ZBTB38: variants seen among roughly 807,000 people sequenced by gnomAD.
ZBTB38 encodes zinc finger and BTB domain-containing protein 38.
ZBTB38 carries 20 observed loss-of-function variants against 76.8 expected under a neutral mutation model. The observed-to-expected ratio is 0.26, with a 90% CI of 0.18 to 0.38. The LOEUF is 0.38. ZBTB38 is among the 10% of genes least tolerant of loss of function. ZBTB38 has a pLI of 1.00. For missense variants in ZBTB38, 1,082 were observed against 1,482.3 expected (o/e 0.73, Z 4.43); for synonymous variants, 504 against 544.2 (o/e 0.93, Z 1.03).
At chr3:141,389,457 T>TG (rs1413239855) in intron 4 of ZBTB38, 5 of 151,814 alleles carry the variant, frequency 3.3e-5, no homozygotes. Context: ...ACCTTTTTTT[T>TG]TTTTTTTTTT....
chr3:141,391,116 T>C (rs547150087), intron 4 of ZBTB38, among the ~76,000 whole-genome samples: 2 of 152,054 alleles, frequency 1.3e-5, no homozygotes, highest in African/African-American at 4.8e-5. Context: ...GCTAGAATCA[T>C]ACTACTGCAC....
chr3:141,443,502 G>C lies in ZBTB38; in HGVS notation c.1114G>C (p.Val372Leu), dbSNP rs750296057. The C allele has an allele frequency of 1.9e-6, 3 of 1,614,210 alleles. No individual in the cohort carries two copies. Among genetic ancestry groups the C allele is most frequent in the Admixed American group, 3.3e-5 (2 of 60,028 alleles). ...QLHKPTQEPL[V>L]CKYCNKQFTT... is the part of the protein sequence containing the mutation. ...TCACAAGCCAACCCAGGAGCCTTTAGTGTGCAAGTATTGCAACAAACAATT... is the reference window on the plus strand; with the variant it reads ...TCACAAGCCAACCCAGGAGCCTTTACTGTGCAAGTATTGCAACAAACAATT... Residue 372 changes from valine (V) to leucine (L), a missense_variant, in exon 6 of 6, where the codon GTG (valine) becomes CTG (leucine). Physicochemically the swap from Val to Leu is conservative, Grantham distance 32 (BLOSUM62 1). Around this residue, in one of 8 missense-constraint regions of ZBTB38, gnomAD observed 324 missense variants for 359.1 expected, o/e 0.90. Transcript: ENST00000321464. The surrounding 1 kb of genome is among the most constrained non-coding windows in gnomAD (Gnocchi z 5.6).
intron 4 of ZBTB38, among the ~76,000 whole-genome samples, chr3:141,401,749 T>C (rs73872713): frequency 0.075 from 11,418 of 152,078 alleles, 1,482 homozygotes; most frequent in African/African-American, 0.26. Context: ...AGGCCCTCTC[T>C]GAATACTTTT....
At chr3:141,373,476 A>G (rs2149058141) in intron 2 of ZBTB38, among the ~76,000 whole-genome samples, 1 of 152,330 alleles carries the variant, frequency 6.6e-6, no homozygotes, top group South Asian at 2.1e-4. Context: ...GTCATAGCAC[A>G]GGTGTGCAAG....
At chr3:141,374,382 T>G (rs1945054233) in intron 2 of ZBTB38, among the ~76,000 whole-genome samples, 1 of 151,970 alleles carries the variant, frequency 6.6e-6, no homozygotes, top group African/African-American at 2.4e-5. Flanking sequence ...GATGGATGAG[T>G]CATCTCTCTG....
rs150841377 is a variant in ZBTB38 at position 141,348,629 on chromosome 3, G to A, written c.-738-19992G>A. Among the ~76,000 whole-genome samples the A allele has an allele frequency of 4.5e-4, 68 of 152,050 alleles. No individual in the cohort carries two copies. In the East Asian group the frequency reaches 0.011, roughly 24 times the overall value. ...ATTTCCTTTCTTCCCTCCTTTTCTC[G>A]TCTTACTCAAGCTTAAAGGACTGTA... On this transcript the variant is annotated intron_variant, in intron 1 of 7. Coordinates refer to the ZBTB38 transcript ENST00000509842.
In ZBTB38 at chr3:141,341,279, A is replaced by G. The variant is rs76331657; in HGVS notation, c.-739+16823A>G. 4.3e-3 allele frequency among the ~76,000 whole-genome samples: 654 copies of G among 152,378 alleles called. 2 individuals are homozygous for G. Among genetic ancestry groups the G allele is most frequent in the African/African-American group, 0.015 (605 of 41,586 alleles). The stretch of plus-strand genomic sequence containing the variant: ...AGAATGTTAAACATAAAGTTATCAC[A>G]TGACTCAGCAATTCCACTCCTAGGT... On this transcript the variant is annotated intron_variant, in intron 1 of 7. Coordinates refer to the ZBTB38 transcript ENST00000509842.
intron 5 of ZBTB38, among the ~76,000 whole-genome samples, chr3:141,416,869 C>T (rs1174023363): frequency 6.6e-6 from 1 of 152,190 alleles, no homozygotes; most frequent in African/African-American, 2.4e-5. Flanking sequence ...AAGGATTCTC[C>T]CCCTGCAGCC....
chr3:141,359,586 A>G (rs1943762193), intron 1 of ZBTB38, among the ~76,000 whole-genome samples: 1 of 152,228 alleles, frequency 6.6e-6, no homozygotes, highest in African/African-American at 2.4e-5. Context: ...TTTTTTGAAG[A>G]TAAGAATGTG....
At chr3:141,400,788 T>C (rs949374526) in intron 4 of ZBTB38, among the ~76,000 whole-genome samples, 2 of 152,268 alleles carry the variant, frequency 1.3e-5, no homozygotes, top group Non-Finnish European at 2.9e-5. Flanking sequence ...TAGGCACTAA[T>C]ATTAAAATTA....
Position 141,444,461 on chromosome 3 carries a change from A to C in ZBTB38, c.2073A>C (p.Val691=). 6.2e-7 allele frequency: 1 copy of C among 1,614,120 alleles called. No individual in the cohort carries two copies. Among genetic ancestry groups the C allele is most frequent in the Middle Eastern group, 1.6e-4 (1 of 6,062 alleles). The change falls in exon 6 of 6, where the codon GTA becomes GTC. Residue 691 remains valine, a synonymous_variant. Transcript: ENST00000321464. The surrounding 1 kb of genome is among the most constrained non-coding windows in gnomAD (Gnocchi z 5.1). ...GTTCTGACCTCCGGGCAGGGGATGT[A>C]CCTGTTTTATCTTTGAGTAATAGCA... ...AVSSDLRAGD[V]PVLSLSNSSE...
chr3:141,340,986 G>GAA (rs1204338621), intron 1 of ZBTB38, among the ~76,000 whole-genome samples: 2 of 139,304 alleles, frequency 1.4e-5, no homozygotes, highest in African/African-American at 2.8e-5. Flanking sequence ...AAGAAAGAAA[G>GAA]AAAGAGAAAG....
chr3:141,429,454 C>T (rs181255421), intron 5 of ZBTB38, among the ~76,000 whole-genome samples: 57 of 152,036 alleles, frequency 3.7e-4, no homozygotes, highest in Admixed American at 4.6e-4. Context: ...TTTTTTTAGT[C>T]GGGGTGAGCC....
chr3:141,351,010 T>C (rs1255634378), intron 1 of ZBTB38, among the ~76,000 whole-genome samples: 1 of 152,250 alleles, frequency 6.6e-6, no homozygotes, highest in African/African-American at 2.4e-5. Flanking sequence ...TTTATTTATT[T>C]TTTCTTAACA....
chr3:141,443,822 T>A lies in ZBTB38; in HGVS notation c.1434T>A (p.His478Gln). The change falls in exon 6 of 6, where the codon CAT (histidine) becomes CAA (glutamine). Residue 478 changes from histidine to glutamine, a missense_variant. This residue lies in a region of ZBTB38 where 60 missense variants were observed against 126.0 expected (regional missense o/e 0.48). Transcript: ENST00000321464. The surrounding 1 kb of genome is among the most constrained non-coding windows in gnomAD (Gnocchi z 5.6). ...SYVTLSSLRR[H>Q]ANVHSWRRTY... Reference sequence around the variant, plus strand: ...TGACCTTATCTAGCCTCCGAAGACATGCAAATGTTCACTCCTGGAGAAGAA... The same window carrying A: ...TGACCTTATCTAGCCTCCGAAGACAAGCAAATGTTCACTCCTGGAGAAGAA... 6.2e-7 allele frequency: 1 copy of A among 1,614,000 alleles called. No individual in the cohort carries two copies. Among genetic ancestry groups the A allele is most frequent in the Non-Finnish European group, 8.5e-7 (1 of 1,180,030 alleles).
At position 141,444,299 on chromosome 3, in the gene ZBTB38, A is replaced by C. The variant is rs1396174393; in HGVS notation, c.1911A>C (p.Ala637=). 1.2e-6 allele frequency: 2 copies of C among 1,614,132 alleles called. No individual in the cohort carries two copies. The highest frequency in any genetic ancestry group is 1.7e-6 in the Non-Finnish European group (2 of 1,180,048). The change falls in exon 6 of 6, where the codon GCA becomes GCC. Residue 637 remains alanine (A), a synonymous_variant. Coordinates refer to ENST00000321464, the MANE Select transcript of ZBTB38 (RefSeq NM_001376113.1). The surrounding 1 kb of genome is among the most constrained non-coding windows in gnomAD (Gnocchi z 5.1). ...NSPAIPLETS[A]CQDIPTSANV... ...CAGCCATCCCATTGGAAACATCTGC[A>C]TGTCAGGACATACCCACTTCTGCCA...
At chr3:141,430,556 C>A (rs2077272732) in intron 5 of ZBTB38, among the ~76,000 whole-genome samples, 1 of 152,228 alleles carries the variant, frequency 6.6e-6, no homozygotes, top group Non-Finnish European at 1.5e-5. Flanking sequence ...CTCATTCACT[C>A]TTCACTGCCC....
At chr3:141,432,115 T>C (rs1268195675) in intron 5 of ZBTB38, 5 of 985,366 alleles carry the variant, frequency 5.1e-6, no homozygotes, top group African/African-American at 1.7e-5. Flanking sequence ...GCCAGCTCAC[T>C]GAAGCAAAAT....
intron 1 of ZBTB38, among the ~76,000 whole-genome samples, chr3:141,328,115 C>T (rs761203365): frequency 2.2e-4 from 33 of 152,200 alleles, no homozygotes; most frequent in African/African-American, 7.2e-4. Context: ...TTCATTCGTT[C>T]GCACGCCGCT....
Sources: gnomAD v4.1 joint callset for allele counts (sites outside exome capture counted in the v4.1 genomes callset) on GRCh38, gnomAD v4.1.1 for gene constraint, gnomAD v4.1.1 regional missense constraint, Gnocchi (gnomAD v3.1) non-coding constraint, MANE v1.5 for transcripts, NCBI Gene and HGNC (gene_info 2026-07-23, HGNC 2026-07-21) for gene names.